Variants in RNF175 observed in about 807,000 individuals in gnomAD.
RNF175 encodes the protein ring finger protein 175.
RNF175 carries 38 observed loss-of-function variants against 50.0 expected under a neutral mutation model. The observed-to-expected ratio is 0.76, with a 90% CI of 0.59 to 1.00. The LOEUF (loss-of-function observed/expected upper bound fraction) is 1.00. Ranked by LOEUF, RNF175 falls within the 50% of genes least tolerant of loss-of-function variation. RNF175 has a pLI of 0.00. For synonymous variants in RNF175, 155 were observed against 146.1 expected (o/e 1.06, Z -0.44); for missense variants, 388 against 409.6 (o/e 0.95, Z 0.46).
Position 153,723,464 on chromosome 4 carries a change from G to A in RNF175, c.402-6C>T. 1 of 1,411,032 alleles carries A rather than the reference G, an allele frequency of 7.1e-7. No individual in the cohort carries two copies. Among genetic ancestry groups the A allele is most frequent in the Non-Finnish European group, 1.0e-6 (1 of 997,862 alleles). The allele number at this position is 1,411,032 out of a possible 1,614,324, so 87.4% of individuals were successfully genotyped here. On this transcript the variant is annotated splice_region_variant and splice_polypyrimidine_tract_variant and intron_variant, in intron 4 of 8. Coordinates refer to ENST00000347063, the MANE Select transcript of RNF175 (RefSeq NM_173662.4). ...GAAACCATTTGTAGACCAATCTGTG[G>A]AGTGAAAAATGGGGAGAAACACAGA... is the stretch of plus-strand genomic sequence containing the variant.
At position 153,728,354 on chromosome 4, in the gene RNF175, G is replaced by C; in HGVS notation, c.254C>G (p.Thr85Ser). The change falls in exon 4 of 9, where the codon ACC becomes AGC. Residue 85 changes from threonine to serine, a missense_variant. Coordinates refer to ENST00000347063, the MANE Select transcript of RNF175 (RefSeq NM_173662.4). ...GGGGACAACCCACATCTGCAACAAG[G>C]TCACCAGCTGTCAGAGAAATGAACA... ...QRHGRSYNLV[T>S]LLQMWVVPLY... 1 of 1,613,088 alleles carries C rather than the reference G, an allele frequency of 6.2e-7. No homozygotes were observed. Among genetic ancestry groups the C allele is most frequent in the Admixed American group, 1.7e-5 (1 of 59,856 alleles).
chr4:153,719,330 C>T (rs1738180415), intron 6 of RNF175, among the ~76,000 whole-genome samples: 1 of 152,134 alleles, frequency 6.6e-6, no homozygotes, highest in African/African-American at 2.4e-5. Context: ...GTATACGTAC[C>T]ACACTTTCTT....
chr4:153,715,790 A>G (rs568138418), intron 6 of RNF175, 128 bp from the exon 7 acceptor site: 4 of 889,154 alleles, frequency 4.5e-6, no homozygotes, highest in South Asian at 3.5e-5. Context: ...GCGGCCGGGC[A>G]TGGTGGCTCA....
chr4:153,715,904 A>G (rs1465521578), intron 6 of RNF175, among the ~76,000 whole-genome samples: 1 of 152,012 alleles, frequency 6.6e-6, no homozygotes, highest in Non-Finnish European at 1.5e-5. Flanking sequence ...TCTACTAAAA[A>G]TACAAAAAAA....
Position 153,720,051 on chromosome 4 carries a change from A to C in RNF175, c.630+133T>G, listed in dbSNP as rs1738233471. On this transcript the variant is annotated intron_variant, in intron 6 of 8. Transcript: ENST00000347063. Reference sequence around the variant, plus strand: ...GAGCAATTGGTCTAGGTGAACCAAAAGAGTTCCAAAGGAAACAATAATCAG... The same window carrying C: ...GAGCAATTGGTCTAGGTGAACCAAACGAGTTCCAAAGGAAACAATAATCAG... The C allele has an allele frequency of 3.4e-6, 3 of 894,306 alleles. No homozygotes were observed. The East Asian group carries it at 8.1e-5, about 24-fold the overall frequency. 55.4% of individuals were successfully genotyped at this position (894,306 alleles called of 1,614,324 possible). A position where few individuals can be genotyped will look rare whatever the true frequency, so the allele number is the denominator to read the frequency against.
chr4:153,743,690 TA>T (rs1739810531), intron 3 of RNF175, among the ~76,000 whole-genome samples: 1 of 151,966 alleles, frequency 6.6e-6, no homozygotes, highest in Non-Finnish European at 1.5e-5. Context: ...TGGGTAGCCA[TA>T]AAACATAGGA....
intron 3 of RNF175, among the ~76,000 whole-genome samples, chr4:153,728,688 T>A (rs1228730289): frequency 6.6e-6 from 1 of 152,208 alleles, no homozygotes; most frequent in African/African-American, 2.4e-5. Flanking sequence ...TTTAGTTGTA[T>A]AATTGGGGGT....
chr4:153,711,622 C>T (rs1478037719), intron 8 of RNF175, among the ~76,000 whole-genome samples: 1 of 152,196 alleles, frequency 6.6e-6, no homozygotes, highest in Non-Finnish European at 1.5e-5. Context: ...AAGGCTGTCT[C>T]TTAGAGAAGA....
rs1460898288 is a variant in RNF175 at position 153,718,222 on chromosome 4, G to GTTTTTTTTTTTTTTTCTTTT, written c.630+1961_630+1962insAAAAGAAAAAAAAAAAAAAA. 5.3e-5 allele frequency among the ~76,000 whole-genome samples: 2 copies of GTTTTTTTTTTTTTTTCTTTT among 37,540 alleles called. 1 individual carries two copies. Among genetic ancestry groups the GTTTTTTTTTTTTTTTCTTTT allele is most frequent in the Non-Finnish European group, 1.4e-4 (2 of 14,152 alleles). 24.6% of individuals were successfully genotyped at this position (37,540 alleles called of 152,430 possible). A position where few individuals can be genotyped will look rare whatever the true frequency, so the allele number is the denominator to read the frequency against. Reference sequence around the variant, plus strand: ...CTTTCCTAAGGAGTTTTTTTTGTTTGTTTGTTTGTTTGTTTGTTTTTTTTT... The same window carrying GTTTTTTTTTTTTTTTCTTTT: ...CTTTCCTAAGGAGTTTTTTTTGTTTGTTTTTTTTTTTTTTTCTTTTTTTGTTTGTTTGTTTGTTTTTTTTT... On this transcript the variant is annotated intron_variant, in intron 6 of 8. Coordinates refer to ENST00000347063, the MANE Select transcript of RNF175 (RefSeq NM_173662.4).
intron 3 of RNF175, among the ~76,000 whole-genome samples, chr4:153,741,137 G>A (rs1739634851): frequency 6.6e-6 from 1 of 152,142 alleles, no homozygotes; most frequent in South Asian, 2.1e-4. Context: ...CTGTGTACCT[G>A]GGGTGGCCTT....
intron 4 of RNF175, among the ~76,000 whole-genome samples, chr4:153,724,974 G>A (rs1390507891): frequency 4.0e-5 from 4 of 99,166 alleles, no homozygotes; most frequent in Non-Finnish European, 6.8e-5. Context: ...GTGGGGGAGC[G>A]GGCAGGGGTG....
chr4:153,758,973 A>G (rs1458239421), intron 1 of RNF175, among the ~76,000 whole-genome samples: 3 of 152,162 alleles, frequency 2.0e-5, no homozygotes, highest in Non-Finnish European at 2.9e-5. Context: ...CTATTTTGGG[A>G]CATTAATCTC....
chr4:153,725,108 T>C (rs1299501511), intron 4 of RNF175, among the ~76,000 whole-genome samples: 61 of 24,028 alleles, frequency 2.5e-3, no homozygotes, highest in Non-Finnish European at 3.7e-3. Context: ...CGTGGGGGAG[T>C]GGGCAGGGGT....
chr4:153,725,562 C>T (rs961689487), intron 4 of RNF175, among the ~76,000 whole-genome samples: 5 of 152,196 alleles, frequency 3.3e-5, no homozygotes, highest in African/African-American at 1.2e-4. Context: ...TTTCTCTGTG[C>T]AAAGCGGTTT....
At chr4:153,753,114 A>G (rs1740378229) in intron 1 of RNF175, among the ~76,000 whole-genome samples, 1 of 152,222 alleles carries the variant, frequency 6.6e-6, no homozygotes. Flanking sequence ...CAGATGGGCC[A>G]GCGGAAAGGG....
rs779246411 is a variant in RNF175, at chr4:153,728,291, A to C, written c.317T>G (p.Leu106Arg). ...FTIKLYWWRF[L>R]SMWGMFSVIT... ...AACGGAGAACATCCCCCACATAGAC[A>C]GAAACCGCCACCAGTATAATTTTAT... Residue 106 changes from leucine to arginine, a missense_variant, in exon 4 of 9, where the codon CTG (leucine) becomes CGG (arginine). Transcript: ENST00000347063. 4.0e-5 allele frequency: 65 copies of C among 1,613,638 alleles called. No individual in the cohort carries two copies. Among genetic ancestry groups the C allele is most frequent in the Non-Finnish European group, 5.2e-5 (61 of 1,179,632 alleles).
chr4:153,731,096 T>C (rs1296477471), intron 3 of RNF175, among the ~76,000 whole-genome samples: 2 of 152,252 alleles, frequency 1.3e-5, no homozygotes, highest in African/African-American at 4.8e-5. Context: ...CACCATATTT[T>C]CTCAATATAT....
chr4:153,718,685 G>T (rs897474744), intron 6 of RNF175, among the ~76,000 whole-genome samples: 1 of 152,084 alleles, frequency 6.6e-6, no homozygotes, highest in African/African-American at 2.4e-5. Context: ...TATAACTTCT[G>T]TTTTTTCTTG....
At chr4:153,756,363 C>A (rs759305911) in intron 1 of RNF175, among the ~76,000 whole-genome samples, 1 of 152,168 alleles carries the variant, frequency 6.6e-6, no homozygotes, top group Non-Finnish European at 1.5e-5. Context: ...TTAACCTGCC[C>A]TAAAGTGAAC....
Sources: gnomAD v4.1 joint callset for allele counts (sites outside exome capture counted in the v4.1 genomes callset) on GRCh38, gnomAD v4.1.1 for gene constraint, MANE v1.5 for transcripts, NCBI Gene and HGNC (gene_info 2026-07-23, HGNC 2026-07-21) for gene names.